The following FAT3 variants were observed in gnomAD, a reference collection of about 807,000 sequenced individuals.
FAT3 encodes the protein FAT atypical cadherin 3.
FAT3 carries 95 observed loss-of-function variants against 310.2 expected under a neutral mutation model. The ratio of observed to expected loss-of-function variants is 0.31; its 90% CI spans 0.26 to 0.36. The LOEUF (loss-of-function observed/expected upper bound fraction) is 0.36, where lower values mean the gene tolerates loss of function less well. Among genes scored for constraint, FAT3 ranks in the 10% least tolerant of loss-of-function variants. The probability of loss-of-function intolerance (pLI) is 1.00; values close to 1 mark genes in which losing one functional copy is unlikely to be tolerated. For synonymous variants in FAT3, 2,314 were observed against 2,192.9 expected, an observed-to-expected ratio of 1.06 and a Z score of -1.54; for missense variants, 5,408 against 5,715.6, an observed-to-expected ratio of 0.95 and a Z score of 1.74.
At chr11:92,874,044 C>T (rs868169899) in intron 22 of FAT3, among the ~76,000 whole-genome samples, 1 of 152,174 alleles carries the variant, frequency 6.6e-6, no homozygotes, top group Non-Finnish European at 1.5e-5. Context: ...ACAGAATGCA[C>T]AGAAAGTTCT....
At chr11:92,765,583 T>C (rs1368610842) in intron 6 of FAT3, among the ~76,000 whole-genome samples, 9 of 152,206 alleles carry the variant, frequency 5.9e-5, no homozygotes, top group African/African-American at 2.2e-4. Flanking sequence ...AAGGTACCCT[T>C]AGTGCAAACA....
chr11:92,266,654 CT>C (rs1945962926), intron 1 of FAT3, among the ~76,000 whole-genome samples: 2 of 152,154 alleles, frequency 1.3e-5, no homozygotes, highest in African/African-American at 2.4e-5. Flanking sequence ...CTGAAAAAGC[CT>C]TTTTGCCCAT....
chr11:92,342,882 C>CT (rs1297178493), intron 1 of FAT3, among the ~76,000 whole-genome samples: 2 of 151,566 alleles, frequency 1.3e-5, no homozygotes, highest in East Asian at 1.9e-4. Context: ...CCTCTCCTTA[C>CT]TTTTTTTTTC....
chr11:92,475,802 A>G (rs1338287511), intron 2 of FAT3, among the ~76,000 whole-genome samples: 1 of 152,246 alleles, frequency 6.6e-6, no homozygotes, highest in Non-Finnish European at 1.5e-5. Context: ...TTTTAAATCT[A>G]AAGTTATAGA....
rs1004230605 is a variant in FAT3, at chr11:92,599,328, G to C, written c.3607+74380G>C. Among the ~76,000 whole-genome samples, 4 of 152,138 alleles carry C rather than the reference G, an allele frequency of 2.6e-5. No homozygotes were observed. In the East Asian group the frequency reaches 7.7e-4, roughly 29 times the overall value. On this transcript the variant is annotated intron_variant, in intron 3 of 27. Coordinates refer to ENST00000525166, the MANE Select transcript of FAT3 (RefSeq NM_001367949.2). ...AGCAAGGAGAAGTACAGAATGAAGT[G>C]GGGGGTGGGGGAACCCCTTATAAAA...
At chr11:92,869,243 G>A (rs568698386) in intron 22 of FAT3, among the ~76,000 whole-genome samples, 7 of 152,166 alleles carry the variant, frequency 4.6e-5, no homozygotes, top group Non-Finnish European at 8.8e-5. Flanking sequence ...TCTCTGTTCC[G>A]TTGAGGGAGC....
Position 92,352,117 on chromosome 11 carries a change from A to T in FAT3, c.5A>T (p.Asp2Val), listed in dbSNP as rs763314303. 2 of 1,336,696 alleles carry T rather than the reference A, an allele frequency of 1.5e-6. No individual in the cohort carries two copies. Among genetic ancestry groups the T allele is most frequent in the African/African-American group, 3.0e-5 (2 of 66,598 alleles). 82.8% of individuals were successfully genotyped at this position (1,336,696 alleles called of 1,614,324 possible). ...CCAGGATGGAAGTATGATGTGATGG[A>T]TATAATTATGGGACACTGTGTGGGC... M[D>V]IIMGHCVGTR... The change falls in exon 2 of 28, where the codon GAT (aspartate) becomes GTT (valine). Residue 2 changes from aspartate (D) to valine (V), a missense_variant. By Grantham distance (152) the Asp-to-Val change is radical (BLOSUM62 -3). Transcript: ENST00000525166.
At chr11:92,761,799 C>A (rs1243573681) in intron 4 of FAT3, 57 bp from the exon 5 acceptor site, 1 of 1,508,090 alleles carries the variant, frequency 6.6e-7, no homozygotes, top group Non-Finnish European at 9.0e-7. Flanking sequence ...CATAGGTTAA[C>A]ATGTAATAGC....
At chr11:92,431,897 T>C (rs1248580156) in intron 2 of FAT3, among the ~76,000 whole-genome samples, 1 of 152,218 alleles carries the variant, frequency 6.6e-6, no homozygotes, top group Non-Finnish European at 1.5e-5. Context: ...TTTTGGTTAC[T>C]GTGGCCTTGT....
At chr11:92,662,695 G>A (rs57703477) in intron 3 of FAT3, among the ~76,000 whole-genome samples, 5,098 of 152,262 alleles carry the variant, frequency 0.033, 280 homozygotes, top group African/African-American at 0.11. Context: ...GTCATGATAC[G>A]TAGAGAAGCC....
intron 1 of FAT3, among the ~76,000 whole-genome samples, chr11:92,332,358 T>C (rs1947944000): frequency 6.6e-6 from 1 of 152,240 alleles, no homozygotes; most frequent in Non-Finnish European, 1.5e-5. Flanking sequence ...ACATGGTGGG[T>C]AAGAGCCTAG....
intron 4 of FAT3, among the ~76,000 whole-genome samples, chr11:92,740,450 G>A (rs369934603): frequency 2.0e-5 from 3 of 152,120 alleles, no homozygotes; most frequent in African/African-American, 4.8e-5. Flanking sequence ...TGCCTGAGGC[G>A]GAATGACTAG....
chr11:92,716,041 A>G (rs889807932), intron 4 of FAT3, among the ~76,000 whole-genome samples: 2 of 152,190 alleles, frequency 1.3e-5, no homozygotes, highest in Non-Finnish European at 2.9e-5. Flanking sequence ...TCATATACAA[A>G]GACAGTTTAT....
In FAT3 at chr11:92,751,163, A is replaced by G. The variant is rs143137075; in HGVS notation, c.3670-10693A>G. Among the ~76,000 whole-genome samples the G allele has an allele frequency of 1.1e-4, 16 of 152,358 alleles. 1 individual carries two copies. In the East Asian group the frequency reaches 3.1e-3, roughly 29 times the overall value. On this transcript the variant is annotated intron_variant, in intron 4 of 27. Transcript: ENST00000525166. ...GTGGCCATGCCCATGGGGTGGGGCA[A>G]GCATTTAGATGAAAGGCAGCATAAT...
chr11:92,437,904 G>T (rs953272335), intron 2 of FAT3, among the ~76,000 whole-genome samples: 3 of 151,800 alleles, frequency 2.0e-5, no homozygotes, highest in African/African-American at 7.3e-5. Context: ...GAGAAAGAGA[G>T]ACACAGTGAC....
chr11:92,812,482 T>C (rs1370320086), intron 13 of FAT3, among the ~76,000 whole-genome samples: 1 of 151,294 alleles, frequency 6.6e-6, no homozygotes. Context: ...CTCGGGAAGC[T>C]GAGGCAGAAG....
At chr11:92,592,266 CTT>C (rs1054507598) in intron 3 of FAT3, among the ~76,000 whole-genome samples, 38 of 147,128 alleles carry the variant, frequency 2.6e-4, no homozygotes, top group African/African-American at 9.5e-4. Flanking sequence ...ATCACTAACT[CTT>C]TTGTAAACAA....
intron 3 of FAT3, among the ~76,000 whole-genome samples, chr11:92,597,625 G>C (rs1939778880): frequency 6.6e-6 from 1 of 152,082 alleles, no homozygotes; most frequent in Non-Finnish European, 1.5e-5. Flanking sequence ...TTGACCACAG[G>C]TACATTCTGA....
chr11:92,700,764 A>G (rs35000472), intron 4 of FAT3, among the ~76,000 whole-genome samples: 2,189 of 152,190 alleles, frequency 0.014, 24 homozygotes, highest in Middle Eastern at 0.027. Context: ...AACCAGTTCA[A>G]TATCAATCTC....
Sources: gnomAD v4.1 joint callset for allele counts (sites outside exome capture counted in the v4.1 genomes callset) on GRCh38, gnomAD v4.1.1 for gene constraint, MANE v1.5 for transcripts, NCBI Gene and HGNC (gene_info 2026-07-23, HGNC 2026-07-21) for gene names.